NCALD: variants seen among roughly 807,000 people sequenced by gnomAD.
The protein encoded by NCALD is neurocalcin-delta.
A neutral mutation model predicts 18.6 loss-of-function variants in NCALD; 10 were observed. The ratio of observed to expected loss-of-function variants is 0.54; its 90% CI spans 0.33 to 0.91. The LOEUF is 0.91. Ranked by LOEUF, NCALD falls within the 40% of genes least tolerant of loss-of-function variation. The pLI is 0.03. For synonymous variants in NCALD, 88 were observed against 87.4 expected, an observed-to-expected ratio of 1.01 and a Z score of -0.04; for missense variants, 184 against 247.6, an observed-to-expected ratio of 0.74 and a Z score of 1.72.
chr8:101,770,530 G>T (rs551538841), intron 1 of NCALD, among the ~76,000 whole-genome samples: 1 of 152,146 alleles, frequency 6.6e-6, no homozygotes, highest in African/African-American at 2.4e-5. Context: ...CTCCTGGGGG[G>T]GCTTCCTGCA....
intron 1 of NCALD, among the ~76,000 whole-genome samples, chr8:101,786,801 A>G (rs748942754): frequency 6.6e-6 from 1 of 152,180 alleles, no homozygotes; most frequent in Non-Finnish European, 1.5e-5. Flanking sequence ...CAGGCTAGAG[A>G]TTTATTTCCT....
chr8:101,982,492 G>A (rs1028138924), intron 2 of NCALD, among the ~76,000 whole-genome samples: 2 of 152,098 alleles, frequency 1.3e-5, no homozygotes, highest in Non-Finnish European at 2.9e-5. Context: ...CAAGAAGTTA[G>A]GCTTCTCATA....
chr8:101,741,472 G>A (rs531648019), intron 1 of NCALD, among the ~76,000 whole-genome samples: 1 of 152,180 alleles, frequency 6.6e-6, no homozygotes, highest in Admixed American at 6.5e-5. Context: ...ATGACATACA[G>A]TATATCATCA....
intron 1 of NCALD, among the ~76,000 whole-genome samples, chr8:101,778,776 G>C (rs1400880218): frequency 6.6e-6 from 1 of 152,064 alleles, no homozygotes; most frequent in Non-Finnish European, 1.5e-5. Flanking sequence ...GCTACTAGAG[G>C]AGAAAACAAA....
At chr8:101,738,773 T>C (rs1242118506) in intron 1 of NCALD, among the ~76,000 whole-genome samples, 4 of 152,140 alleles carry the variant, frequency 2.6e-5, no homozygotes, top group Non-Finnish European at 5.9e-5. Flanking sequence ...TACTTCTCTG[T>C]GCATCAGTTT....
chr8:101,741,634 GAA>G (rs11289645), intron 1 of NCALD, among the ~76,000 whole-genome samples: 20,809 of 148,322 alleles, frequency 0.14, 3,109 homozygotes, highest in African/African-American at 0.36. Flanking sequence ...ACAGTGAAAG[GAA>G]AAAAAAAAAG....
chr8:101,867,845 T>C lies in NCALD; in HGVS notation c.-20+19296A>G, dbSNP rs1815836651. On this transcript the variant is annotated intron_variant, in intron 4 of 6. Transcript: ENST00000311028. ...TCTCTGAATTTGACATTGAAGTTCATTGTTCACTCATTCAATAAAATGTCA... is the reference window on the plus strand; with the variant it reads ...TCTCTGAATTTGACATTGAAGTTCACTGTTCACTCATTCAATAAAATGTCA... 2.6e-5 allele frequency among the ~76,000 whole-genome samples: 4 copies of C among 152,202 alleles called. No homozygotes were observed. The South Asian group carries it at 6.2e-4, about 24-fold the overall frequency.
chr8:101,794,990 G>T (rs1408503582), upstream of NCALD, among the ~76,000 whole-genome samples: 2 of 152,068 alleles, frequency 1.3e-5, no homozygotes, highest in Non-Finnish European at 2.9e-5. Context: ...GGCCTACAAA[G>T]TTCTATGGCA....
chr8:101,708,114 C>G (rs1361520503), intron 2 of NCALD, among the ~76,000 whole-genome samples: 1 of 152,112 alleles, frequency 6.6e-6, no homozygotes, highest in Non-Finnish European at 1.5e-5. Flanking sequence ...CAGACTGTCC[C>G]CCAAACAGTC....
At chr8:101,783,724 G>C (rs1812109653) in intron 1 of NCALD, among the ~76,000 whole-genome samples, 1 of 152,158 alleles carries the variant, frequency 6.6e-6, no homozygotes, top group African/African-American at 2.4e-5. Context: ...AGTCAGTGGG[G>C]GCCAATGAGC....
chr8:101,830,743 T>C (rs1022120436), intron 4 of NCALD, among the ~76,000 whole-genome samples: 13 of 148,292 alleles, frequency 8.8e-5, no homozygotes, highest in Non-Finnish European at 1.4e-4. Context: ...AGGAATACTT[T>C]TTTTTTTTTT....
At chr8:101,728,927 G>A (rs548747775) in intron 1 of NCALD, among the ~76,000 whole-genome samples, 3 of 152,242 alleles carry the variant, frequency 2.0e-5, no homozygotes, top group Non-Finnish European at 4.4e-5. Context: ...TTCAGCCAAT[G>A]GAATGTCTAG....
intron 3 of NCALD, among the ~76,000 whole-genome samples, chr8:101,896,153 G>T (rs1262014859): frequency 0.057 from 8,410 of 148,734 alleles, 517 homozygotes; most frequent in African/African-American, 0.15. Flanking sequence ...CATGGTACTG[G>T]TACCAAAACA....
intron 1 of NCALD, among the ~76,000 whole-genome samples, chr8:101,761,871 TACTC>T (rs1451475883): frequency 6.6e-6 from 1 of 152,216 alleles, no homozygotes; most frequent in Admixed American, 6.5e-5. Flanking sequence ...AGAAACCACT[TACTC>T]ACTTTTTCTC....
chr8:101,865,913 A>G (rs747014167), intron 4 of NCALD, among the ~76,000 whole-genome samples: 1 of 152,216 alleles, frequency 6.6e-6, no homozygotes, highest in Non-Finnish European at 1.5e-5. Flanking sequence ...GGATGGTTCT[A>G]TAATAATCTT....
At chr8:101,772,991 A>G (rs139127271) in intron 1 of NCALD, among the ~76,000 whole-genome samples, 17 of 152,302 alleles carry the variant, frequency 1.1e-4, no homozygotes, top group African/African-American at 4.1e-4. Context: ...GTCCCCAAAA[A>G]TTATGAAGTA....
In NCALD at chr8:101,872,606, T is replaced by C. The variant is rs192468741; in HGVS notation, c.-20+14535A>G. 571 of 512,254 alleles carry C rather than the reference T, an allele frequency of 1.1e-3. 2 individuals carry two copies. The highest frequency in any genetic ancestry group is 2.3e-3 in the Admixed American group (72 of 31,418). The allele number at this position is 512,254 out of a possible 1,614,324, so 31.7% of individuals were successfully genotyped here. A position where few individuals can be genotyped will look rare whatever the true frequency, so the allele number is the denominator to read the frequency against. On this transcript the variant is annotated intron_variant, in intron 4 of 6. Transcript: ENST00000311028. The stretch of plus-strand genomic sequence containing the variant: ...GGGGAATTCAGATTTTCTAAAAACA[T>C]GTTTACAATTTAAATTTGGCTGACC...
At chr8:102,011,025 A>G (rs994587075) in intron 2 of NCALD, among the ~76,000 whole-genome samples, 2 of 152,174 alleles carry the variant, frequency 1.3e-5, no homozygotes, top group African/African-American at 4.8e-5. Flanking sequence ...TTCCTTTTTA[A>G]TCATGTAGTT....
In NCALD at chr8:101,733,588, A is replaced by G. The variant is rs76847598; in HGVS notation, c.-19-13940T>C. Reference sequence around the variant, plus strand: ...CGCTAAACATGGACTATTCATCTGAATGAGATAAAGGTTCAGTTTGGTTGG... The same window carrying G: ...CGCTAAACATGGACTATTCATCTGAGTGAGATAAAGGTTCAGTTTGGTTGG... On this transcript the variant is annotated intron_variant, in intron 1 of 3. Transcript: ENST00000220931. 1.1e-4 allele frequency among the ~76,000 whole-genome samples: 16 copies of G among 152,304 alleles called. No homozygotes were observed. The East Asian group carries it at 3.1e-3, about 29-fold the overall frequency.
Sources: allele counts gnomAD v4.1 joint callset (sites outside exome capture counted in the v4.1 genomes callset), GRCh38; gene constraint gnomAD v4.1.1; transcripts MANE v1.5; gene names NCBI Gene and HGNC (gene_info 2026-07-23, HGNC 2026-07-21).